CCSER1: variants seen among roughly 807,000 people sequenced by gnomAD.
CCSER1 encodes serine-rich coiled-coil domain-containing protein 1.
Under a neutral mutation model 82.0 loss-of-function variants are expected in CCSER1, and 41 were observed. That is an observed-to-expected ratio of 0.50 (90% confidence interval 0.39 to 0.65). The LOEUF is 0.65. Ranked by LOEUF, CCSER1 falls within the 30% of genes least tolerant of loss-of-function variation. The probability of loss-of-function intolerance (pLI) is 0.00; values close to 1 mark genes in which losing one functional copy is unlikely to be tolerated. For synonymous variants in CCSER1, 414 were observed against 383.9 expected (o/e 1.08, Z -0.92); for missense variants, 1,119 against 1,064.2 (o/e 1.05, Z -0.72).
intron 10 of CCSER1, among the ~76,000 whole-genome samples, chr4:91,267,141 T>C (rs930861848): frequency 3.3e-5 from 5 of 152,096 alleles, no homozygotes; most frequent in African/African-American, 1.2e-4. Context: ...AGTTAAAAAG[T>C]AGGTAAAGGC....
At chr4:90,137,836 G>C (rs1260488089) in intron 1 of CCSER1, among the ~76,000 whole-genome samples, 1 of 152,134 alleles carries the variant, frequency 6.6e-6, no homozygotes, top group Non-Finnish European at 1.5e-5. Flanking sequence ...CAGATGCTAC[G>C]TTACTTAACT....
chr4:91,096,036 A>G (rs964411251), intron 10 of CCSER1, among the ~76,000 whole-genome samples: 7 of 152,208 alleles, frequency 4.6e-5, no homozygotes, highest in Non-Finnish European at 1.0e-4. Context: ...CAAGTCAATT[A>G]GAGCTTCAGG....
chr4:90,255,968 G>A (rs1276297762), intron 1 of CCSER1, among the ~76,000 whole-genome samples: 1 of 152,086 alleles, frequency 6.6e-6, no homozygotes, highest in Non-Finnish European at 1.5e-5. Flanking sequence ...ATGGAACTGT[G>A]GCATTTCTAG....
chr4:90,582,298 T>C lies in CCSER1; in HGVS notation c.1725-45727T>C, dbSNP rs77155674. 8.2e-4 allele frequency among the ~76,000 whole-genome samples: 125 copies of C among 152,332 alleles called. 1 individual carries two copies. The East Asian group carries it at 0.02, about 25-fold the overall frequency. On this transcript the variant is annotated intron_variant, in intron 5 of 10. Transcript: ENST00000509176. ...TGAAGACAGGCTTTTCCTGGGAATGTGCAGGGTTTGAGTAACTCAGGTCTG... is the reference window on the plus strand; with the variant it reads ...TGAAGACAGGCTTTTCCTGGGAATGCGCAGGGTTTGAGTAACTCAGGTCTG...
chr4:90,446,912 T>A (rs1760741025), intron 4 of CCSER1, among the ~76,000 whole-genome samples: 1 of 152,154 alleles, frequency 6.6e-6, no homozygotes, highest in Non-Finnish European at 1.5e-5. Context: ...CATTTTCTCT[T>A]CCTTATGATT....
intron 6 of CCSER1, among the ~76,000 whole-genome samples, chr4:90,642,988 G>A (rs780393354): frequency 3.3e-5 from 5 of 151,266 alleles, no homozygotes; most frequent in South Asian, 2.1e-4. Context: ...AGATAAATAC[G>A]TGTGAACATA....
At chr4:91,024,075 C>A (rs145575505) in intron 9 of CCSER1, among the ~76,000 whole-genome samples, 2 of 152,112 alleles carry the variant, frequency 1.3e-5, no homozygotes, top group African/African-American at 2.4e-5. Context: ...TAGCTCAGGT[C>A]TCTCTTCCTC....
At chr4:91,598,312 T>G (rs890965436) in intron 10 of CCSER1, among the ~76,000 whole-genome samples, 1 of 152,160 alleles carries the variant, frequency 6.6e-6, no homozygotes, top group Admixed American at 6.6e-5. Context: ...GTATTTTCTG[T>G]GAAGCTATAT....
At chr4:90,777,013 G>A (rs1752985197) in intron 7 of CCSER1, among the ~76,000 whole-genome samples, 1 of 152,114 alleles carries the variant, frequency 6.6e-6, no homozygotes, top group Admixed American at 6.6e-5. Context: ...AAATTCGTAT[G>A]AATGATTAAC....
intron 3 of CCSER1, among the ~76,000 whole-genome samples, chr4:90,382,982 A>T (rs1189946830): frequency 2.0e-5 from 3 of 152,196 alleles, no homozygotes; most frequent in Non-Finnish European, 4.4e-5. Flanking sequence ...TAATTTATTA[A>T]TATATTCAAG....
At chr4:90,937,631 A>T (rs549553963) in intron 9 of CCSER1, among the ~76,000 whole-genome samples, 39 of 152,236 alleles carry the variant, frequency 2.6e-4, no homozygotes, top group Admixed American at 5.9e-4. Flanking sequence ...CTGTTTTCAA[A>T]CTAAAACCTT....
At chr4:90,128,240 T>A (rs1722157726) in intron 1 of CCSER1, among the ~76,000 whole-genome samples, 1 of 147,150 alleles carries the variant, frequency 6.8e-6, no homozygotes, top group Admixed American at 6.7e-5. Flanking sequence ...CGGTCAGCGC[T>A]GGCGCCCCGG....
intron 5 of CCSER1, among the ~76,000 whole-genome samples, chr4:90,611,383 C>T (rs577297671): frequency 6.6e-6 from 1 of 151,980 alleles, no homozygotes; most frequent in Non-Finnish European, 1.5e-5. Flanking sequence ...AGTATGTGAA[C>T]CAGAGGTTGA....
At chr4:90,461,082 T>C (rs112354326) in intron 4 of CCSER1, among the ~76,000 whole-genome samples, 1 of 78,494 alleles carries the variant, frequency 1.3e-5, no homozygotes, top group African/African-American at 6.0e-5. Flanking sequence ...TTTTTTTTTT[T>C]TGAGACGGAG....
chr4:91,495,212 A>G (rs185543829), intron 10 of CCSER1, among the ~76,000 whole-genome samples: 98 of 151,834 alleles, frequency 6.5e-4, no homozygotes, highest in African/African-American at 2.3e-3. Context: ...TTAAATGAGG[A>G]AAGACAGTCA....
intron 10 of CCSER1, among the ~76,000 whole-genome samples, chr4:91,276,041 T>TACATGCATACATGTATGCCC (rs1742410262): frequency 6.6e-6 from 1 of 152,154 alleles, no homozygotes; most frequent in Non-Finnish European, 1.5e-5. Flanking sequence ...ACCAATACCA[T>TACATGCATACATGTATGCCC]TCTATTGTTA....
At chr4:91,443,935 C>T (rs1412232329) in intron 10 of CCSER1, among the ~76,000 whole-genome samples, 1 of 151,744 alleles carries the variant, frequency 6.6e-6, no homozygotes, top group Admixed American at 6.6e-5. Context: ...TAATAATACC[C>T]TTATTGAATC....
At chr4:91,216,702 ATAT>A (rs1385522156) in intron 10 of CCSER1, among the ~76,000 whole-genome samples, 1 of 152,072 alleles carries the variant, frequency 6.6e-6, no homozygotes, top group Non-Finnish European at 1.5e-5. Flanking sequence ...ATACTTTCCT[ATAT>A]TATTTTACCC....
intron 8 of CCSER1, among the ~76,000 whole-genome samples, chr4:90,883,001 T>C (rs1023865535): frequency 3.3e-5 from 5 of 152,070 alleles, no homozygotes; most frequent in Non-Finnish European, 7.4e-5. Flanking sequence ...TTCTATACAG[T>C]AGTTTCTAAT....
Sources: gnomAD v4.1 joint callset for allele counts (sites outside exome capture counted in the v4.1 genomes callset) on GRCh38, gnomAD v4.1.1 for gene constraint, MANE v1.5 for transcripts, NCBI Gene and HGNC (gene_info 2026-07-23, HGNC 2026-07-21) for gene names.